NBAS: variants seen among roughly 807,000 people sequenced by gnomAD.
NBAS encodes the protein NAG/BC035112 fusion.
A neutral mutation model predicts 302.5 loss-of-function variants in NBAS; 219 were observed. That is an observed-to-expected ratio of 0.72 (90% CI 0.65 to 0.81). The LOEUF is 0.81. NBAS is among the 30% of genes least tolerant of loss of function. NBAS has a pLI of 0.00. For missense variants in NBAS, 2,932 were observed against 2,841.6 expected (o/e 1.03, Z -0.72); for synonymous variants, 1,118 against 1,021.6 (o/e 1.09, Z -1.80).
intron 16 of NBAS, among the ~76,000 whole-genome samples, chr2:15,471,092 C>A (rs553324381): frequency 6.6e-6 from 1 of 152,088 alleles, no homozygotes; most frequent in African/African-American, 2.4e-5. Context: ...CGAAATATTC[C>A]CCTCCCCAAA....
the NBAS span, among the ~76,000 whole-genome samples, chr2:14,963,640 C>T: frequency 6.6e-6 from 1 of 152,184 alleles, no homozygotes; most frequent in African/African-American, 2.4e-5. Context: ...ACCTTAGGTG[C>T]TAAATGACTA....
intron 21 of NBAS, among the ~76,000 whole-genome samples, chr2:15,438,722 T>C (rs565205689): frequency 2.2e-4 from 33 of 152,054 alleles, no homozygotes; most frequent in Non-Finnish European, 3.7e-4. Context: ...AGAGCCAGAG[T>C]AGCTAGAATT....
the NBAS span, among the ~76,000 whole-genome samples, chr2:14,801,037 A>T: frequency 6.6e-6 from 1 of 151,744 alleles, no homozygotes; most frequent in Non-Finnish European, 1.5e-5. Flanking sequence ...TATGCTGACA[A>T]TTTTTTTTCC....
chr2:15,488,848 A>G (rs1405866685), intron 12 of NBAS, 46 bp downstream of exon 12: 4 of 1,610,160 alleles, frequency 2.5e-6, no homozygotes, highest in East Asian at 2.2e-5. Context: ...AGTATTGTCA[A>G]TACTCACCCT....
At chr2:15,467,532 G>A in intron 18 of NBAS, 125 bp from the exon 19 acceptor site, 2 of 1,275,786 alleles carry the variant, frequency 1.6e-6, no homozygotes, top group Non-Finnish European at 2.3e-6. Flanking sequence ...AAAGCACAAG[G>A]GTAAGATAAT....
the NBAS span, among the ~76,000 whole-genome samples, chr2:14,934,750 T>C: frequency 2.0e-5 from 3 of 152,168 alleles, no homozygotes; most frequent in African/African-American, 7.2e-5. Flanking sequence ...TCTGAAATCA[T>C]GTTTGTTTAG....
At chr2:15,050,894 G>A in the NBAS span, among the ~76,000 whole-genome samples, 1 of 152,230 alleles carries the variant, frequency 6.6e-6, no homozygotes, top group Non-Finnish European at 1.5e-5. Flanking sequence ...GAAGGAAGGA[G>A]GGAGAGAATG....
At chr2:15,381,356 T>C (rs1390262150) in intron 29 of NBAS, among the ~76,000 whole-genome samples, 1 of 152,162 alleles carries the variant, frequency 6.6e-6, no homozygotes, top group African/African-American at 2.4e-5. Context: ...AATTTTAAGT[T>C]TGTCAAATCT....
At chr2:15,397,574 T>G in intron 26 of NBAS, 1 of 620,380 alleles carries the variant, frequency 1.6e-6, no homozygotes, top group East Asian at 4.2e-5. Context: ...GTAACGTAGC[T>G]TCACATACAG....
chr2:15,035,161 A>G, the NBAS span, among the ~76,000 whole-genome samples: 6 of 144,262 alleles, frequency 4.2e-5, no homozygotes, highest in East Asian at 1.2e-3. Context: ...ACAATGCTGC[A>G]GTGAAAACCT....
intron 47 of NBAS, among the ~76,000 whole-genome samples, chr2:15,226,231 A>G (rs1277571184): frequency 6.6e-6 from 1 of 152,240 alleles, no homozygotes; most frequent in Non-Finnish European, 1.5e-5. Context: ...TAAGGGAGTT[A>G]CTGAATAGCA....
intron 44 of NBAS, among the ~76,000 whole-genome samples, chr2:15,253,868 T>C (rs947534557): frequency 3.3e-5 from 5 of 152,156 alleles, no homozygotes; most frequent in African/African-American, 1.2e-4. Flanking sequence ...GGAGATCTAA[T>C]TTAGCCAACC....
At chr2:15,146,934 C>G in the NBAS span, among the ~76,000 whole-genome samples, 2 of 152,194 alleles carry the variant, frequency 1.3e-5, no homozygotes, top group Non-Finnish European at 2.9e-5. Flanking sequence ...ATCCTGCTAA[C>G]CAGTAGTTGA....
chr2:14,805,241 A>G, the NBAS span, among the ~76,000 whole-genome samples: 2 of 152,220 alleles, frequency 1.3e-5, no homozygotes, highest in Non-Finnish European at 2.9e-5. Flanking sequence ...AGGAAAGGGT[A>G]GTCCTTGGGG....
chr2:15,540,695 G>A (rs1663767817), intron 6 of NBAS, among the ~76,000 whole-genome samples: 1 of 149,204 alleles, frequency 6.7e-6, no homozygotes, highest in Non-Finnish European at 1.5e-5. Flanking sequence ...TGGCAAATGA[G>A]CAAATATATG....
the NBAS span, among the ~76,000 whole-genome samples, chr2:15,142,093 C>T: frequency 2.0e-5 from 3 of 152,224 alleles, no homozygotes; most frequent in East Asian, 1.9e-4. Context: ...TCTCCACCCA[C>T]GTGTTGGGGG....
chr2:15,557,023 T>C lies in NBAS; in HGVS notation c.173-204A>G, dbSNP rs550255300. Among the ~76,000 whole-genome samples, 30 of 152,276 alleles carry C rather than the reference T, an allele frequency of 2.0e-4. No individual in the cohort carries two copies. In the South Asian group the frequency reaches 2.3e-3, roughly 12 times the overall value. On this transcript the variant is annotated intron_variant, in intron 2 of 51. Coordinates refer to ENST00000281513, the MANE Select transcript of NBAS (RefSeq NM_015909.4). The stretch of plus-strand genomic sequence containing the variant: ...AGGGTCATATACTTATTAAATTCCA[T>C]GTTTGTGTGTTATTCAAAAGTTTCA...
the NBAS span, among the ~76,000 whole-genome samples, chr2:14,880,510 TAAAG>T: frequency 6.6e-6 from 1 of 151,630 alleles, no homozygotes; most frequent in Non-Finnish European, 1.5e-5. Flanking sequence ...ATGAACGAAC[TAAAG>T]AAAGAAATTG....
At position 15,277,009 on chromosome 2, in the gene NBAS, A is replaced by T; in HGVS notation, c.5231T>A (p.Val1744Asp). 6.2e-7 allele frequency: 1 copy of T among 1,613,996 alleles called. No homozygotes were observed. Among genetic ancestry groups the T allele is most frequent in the Non-Finnish European group, 8.5e-7 (1 of 1,179,964 alleles). The change falls in exon 43 of 52, where the codon GTC (valine) becomes GAC (aspartate). Residue 1744 changes from valine (V) to aspartate (D), a missense_variant. Physicochemically the swap from Val to Asp is radical, Grantham distance 152. Transcript: ENST00000281513. The stretch of plus-strand genomic sequence containing the variant: ...ACCAATAGTAGGGTAAATATACTTG[A>T]CCATGTGCTGGTGAAAGGCTTCTGG... ...TDPEAFHQHMVKYIYPTIGGF... is the reference protein window; with the variant it reads ...TDPEAFHQHMDKYIYPTIGGF...
Sources: gnomAD v4.1 joint callset for allele counts (sites outside exome capture counted in the v4.1 genomes callset) on GRCh38, gnomAD v4.1.1 for gene constraint, MANE v1.5 for transcripts, NCBI Gene and HGNC (gene_info 2026-07-23, HGNC 2026-07-21) for gene names.